ATXN10: variants seen among roughly 807,000 people sequenced by gnomAD.
The protein encoded by ATXN10 is ataxin-10.
Under a neutral mutation model 52.9 loss-of-function variants are expected in ATXN10, and 28 were observed. That is an observed-to-expected ratio of 0.53 (90% CI 0.39 to 0.73). ATXN10 has a LOEUF of 0.73. Among genes scored for constraint, ATXN10 ranks in the 30% least tolerant of loss-of-function variants. The pLI, the probability that ATXN10 is intolerant of heterozygous loss-of-function variation, is 0.00. For synonymous variants in ATXN10, 226 were observed against 221.5 expected (o/e 1.02, Z -0.18); for missense variants, 565 against 577.0 (o/e 0.98, Z 0.21).
chr22:45,723,301 T>C lies in ATXN10; in HGVS notation c.728+4808T>C, dbSNP rs956619670. Among the ~76,000 whole-genome samples, 6 of 152,032 alleles carry C rather than the reference T, an allele frequency of 3.9e-5. No homozygotes were observed. In the East Asian group the frequency reaches 1.2e-3, roughly 29 times the overall value. ...TTGGTCACATGGATGGGTTGTATAG[T>C]GGTGTGGTTTTGGTCACATGGGTGG... On this transcript the variant is annotated intron_variant, in intron 6 of 11. Coordinates refer to ENST00000252934, the MANE Select transcript of ATXN10 (RefSeq NM_013236.4).
chr22:45,714,381 GTATTTTATTTTT>G (rs768253996), intron 5 of ATXN10, among the ~76,000 whole-genome samples: 40 of 151,850 alleles, frequency 2.6e-4, no homozygotes, highest in Non-Finnish European at 5.3e-4. Flanking sequence ...TTTGTTCGTG[GTATTTTATTTTT>G]TATTTTTTTG....
chr22:45,694,228 A>G (rs1923498706), intron 3 of ATXN10, among the ~76,000 whole-genome samples: 2 of 152,180 alleles, frequency 1.3e-5, no homozygotes, highest in African/African-American at 4.8e-5. Context: ...TAGCATCAAC[A>G]TCTTTCCTTT....
rs189146001 is a variant in ATXN10, at chr22:45,807,621, C to G, written c.1237+599C>G. 2.4e-3 allele frequency among the ~76,000 whole-genome samples: 364 copies of G among 152,308 alleles called. 2 individuals are homozygous for G. Among genetic ancestry groups the G allele is most frequent in the African/African-American group, 8.1e-3 (336 of 41,578 alleles). On this transcript the variant is annotated intron_variant, in intron 10 of 11. Transcript: ENST00000252934. ...CTTGCTGGAGGGTGTTCTGCAGGGA[C>G]CCTGCTTTTTTCCTACCAGTTCAAC... is the stretch of plus-strand genomic sequence containing the variant.
intron 6 of ATXN10, among the ~76,000 whole-genome samples, chr22:45,725,263 G>A (rs1924820771): frequency 1.3e-5 from 2 of 152,008 alleles, no homozygotes; most frequent in Admixed American, 1.3e-4. Flanking sequence ...CATTTTAATA[G>A]TATTGATTCT....
rs1289724237 is a variant in ATXN10, at chr22:45,677,106, G to C, written c.116+4927G>C. 6.6e-6 allele frequency: 1 copy of C among 152,212 alleles called. No homozygotes were observed. The highest frequency in any genetic ancestry group is 1.5e-5 in the Non-Finnish European group (1 of 68,042). 9.4% of individuals were successfully genotyped at this position (152,212 alleles called of 1,614,324 possible). On this transcript the variant is annotated intron_variant, in intron 1 of 11. Transcript: ENST00000252934. The surrounding 1 kb of genome is among the most constrained non-coding windows in gnomAD (Gnocchi z 4.1). ...TGGAAATAGTGCTCTTCTGTAGTAAGTTTTCTATAGGGGAGATTGTATTTT... is the reference window on the plus strand; with the variant it reads ...TGGAAATAGTGCTCTTCTGTAGTAACTTTTCTATAGGGGAGATTGTATTTT...
chr22:45,735,757 CTTT>C (rs200047186), intron 7 of ATXN10, among the ~76,000 whole-genome samples: 1 of 121,034 alleles, frequency 8.3e-6, no homozygotes, highest in South Asian at 2.7e-4. Context: ...GGAGACTAAT[CTTT>C]TTTTTTTTGC....
chr22:45,697,922 T>C, intron 3 of ATXN10, among the ~76,000 whole-genome samples: 1 of 152,218 alleles, frequency 6.6e-6, no homozygotes, highest in Non-Finnish European at 1.5e-5. Context: ...GAGCCACCGC[T>C]CCTGGCCTTT....
At chr22:45,679,864 C>G (rs763311138) in intron 1 of ATXN10, 1 of 152,210 alleles carries the variant, frequency 6.6e-6, no homozygotes, top group Non-Finnish European at 1.5e-5. Flanking sequence ...CCACCTCATA[C>G]ATTCAATTAT....
intron 10 of ATXN10, among the ~76,000 whole-genome samples, chr22:45,836,676 C>A (rs1929178427): frequency 6.6e-6 from 1 of 152,216 alleles, no homozygotes. Flanking sequence ...ACACTCTTGG[C>A]ATGTTTTCTT....
chr22:45,714,233 T>C (rs1055543802), intron 5 of ATXN10, among the ~76,000 whole-genome samples: 2 of 152,156 alleles, frequency 1.3e-5, no homozygotes, highest in African/African-American at 4.8e-5. Context: ...TTTTCTTTTA[T>C]GTGTATTCTA....
rs369598754 is a variant in ATXN10, at chr22:45,772,386, AT to A, written c.1173+31851del. 7.2e-5 allele frequency among the ~76,000 whole-genome samples: 11 copies of A among 152,276 alleles called. No individual in the cohort carries two copies. Among genetic ancestry groups the A allele is most frequent in the African/African-American group, 2.6e-4 (11 of 41,552 alleles). On this transcript the variant is annotated intron_variant, in intron 9 of 11. Coordinates refer to ENST00000252934, the MANE Select transcript of ATXN10 (RefSeq NM_013236.4). The surrounding 1 kb of genome is among the most constrained non-coding windows in gnomAD (Gnocchi z 4.1). ...CCTTTGTCAAAGATCAAATGGCCCAATTTGTGTGGGTCTGTTTCCAGATATG... is the reference window on the plus strand; with the variant it reads ...CCTTTGTCAAAGATCAAATGGCCCAATTGTGTGGGTCTGTTTCCAGATATG...
chr22:45,762,371 T>C lies in ATXN10; in HGVS notation c.1173+21833T>C, dbSNP rs1302162189. Among the ~76,000 whole-genome samples, 1 of 152,236 alleles carries C rather than the reference T, an allele frequency of 6.6e-6. No homozygotes were observed. The highest frequency in any genetic ancestry group is 1.5e-5 in the Non-Finnish European group (1 of 68,038). The stretch of plus-strand genomic sequence containing the variant: ...GACTACATCTCATTTTTTATTTATC[T>C]TTGTTATGATAGATAGCAGATAAAG... On this transcript the variant is annotated intron_variant, in intron 9 of 11. Transcript: ENST00000252934. This position sits in a 1 kb window ranked among gnomAD's most constrained non-coding sequence, Gnocchi z 4.3.
intron 5 of ATXN10, among the ~76,000 whole-genome samples, chr22:45,711,405 A>G (rs543149172): frequency 1.3e-4 from 20 of 152,278 alleles, no homozygotes; most frequent in African/African-American, 4.6e-4. Flanking sequence ...TGAACCTGCA[A>G]AAGGGGTGCC....
chr22:45,838,555 A>C (rs1197784299), intron 10 of ATXN10, among the ~76,000 whole-genome samples: 4 of 152,202 alleles, frequency 2.6e-5, no homozygotes, highest in African/African-American at 9.6e-5. Context: ...GTGGGATTAG[A>C]GACTTTAGAA....
In ATXN10 at chr22:45,819,471, C is replaced by T. The variant is rs560369790; in HGVS notation, c.1237+12449C>T. Among the ~76,000 whole-genome samples the T allele has an allele frequency of 1.1e-3, 160 of 152,282 alleles. No individual in the cohort carries two copies. Among genetic ancestry groups the T allele is most frequent in the Non-Finnish European group, 1.7e-3 (114 of 68,016 alleles). On this transcript the variant is annotated intron_variant, in intron 10 of 11. Transcript: ENST00000252934. The surrounding 1 kb of genome is among the most constrained non-coding windows in gnomAD (Gnocchi z 4.5). ...TTCGGTAGTCACAGGACACCCTTGC[C>T]GTGCTGCATAATGATGTCTCACTCT...
At chr22:45,743,537 T>A (rs1303676293) in intron 9 of ATXN10, among the ~76,000 whole-genome samples, 2 of 152,198 alleles carry the variant, frequency 1.3e-5, no homozygotes, top group African/African-American at 2.4e-5. Context: ...GGACCAGTAA[T>A]TCTCAGTGTT....
Position 45,710,919 on chromosome 22 carries a change from G to A in ATXN10, c.648-7494G>A, listed in dbSNP as rs529313461. Among the ~76,000 whole-genome samples the A allele has an allele frequency of 2.6e-5, 4 of 152,244 alleles. No homozygotes were observed. The South Asian group carries it at 8.3e-4, about 32-fold the overall frequency. On this transcript the variant is annotated intron_variant, in intron 5 of 11. Coordinates refer to ENST00000252934, the MANE Select transcript of ATXN10 (RefSeq NM_013236.4). ...TCCTTCAGTCACTTCAGGCTTATCT[G>A]AAGCAGATAAGCCTGGTTCTCCTGA...
intron 9 of ATXN10, among the ~76,000 whole-genome samples, chr22:45,771,737 T>G (rs1926787014): frequency 6.6e-6 from 1 of 152,154 alleles, no homozygotes; most frequent in Non-Finnish European, 1.5e-5. Context: ...GTGACGTATC[T>G]GTTCCAGTCT....
chr22:45,723,925 C>T (rs1460169283), intron 6 of ATXN10, among the ~76,000 whole-genome samples: 1 of 150,910 alleles, frequency 6.6e-6, no homozygotes, highest in South Asian at 2.1e-4. Flanking sequence ...GCACTCCAGC[C>T]TAGGTGATAG....
Sources: gnomAD v4.1 joint callset for allele counts (sites outside exome capture counted in the v4.1 genomes callset) on GRCh38, gnomAD v4.1.1 for gene constraint, Gnocchi (gnomAD v3.1) non-coding constraint, MANE v1.5 for transcripts, NCBI Gene and HGNC (gene_info 2026-07-23, HGNC 2026-07-21) for gene names.